Variants in MARVELD2 observed in about 807,000 individuals in gnomAD.
MARVELD2 encodes MARVEL domain-containing protein 2.
In MARVELD2, 49 loss-of-function variants were observed where a neutral mutation model predicts 57.6. The observed-to-expected ratio is 0.85, with a 90% CI of 0.68 to 1.08. The LOEUF is 1.08. Among genes scored for constraint, MARVELD2 ranks in the 50% least tolerant of loss-of-function variants. MARVELD2 has a pLI of 0.00. For synonymous variants in MARVELD2, 238 were observed against 258.8 expected, an observed-to-expected ratio of 0.92 and a Z score of 0.77; for missense variants, 606 against 701.1, an observed-to-expected ratio of 0.86 and a Z score of 1.53.
chr5:69,431,050 C>T (rs1766947442), intron 3 of MARVELD2, among the ~76,000 whole-genome samples: 1 of 151,488 alleles, frequency 6.6e-6, no homozygotes, highest in South Asian at 2.1e-4. Flanking sequence ...CCACCTCAGC[C>T]TCCCAAAGTG....
intron 1 of MARVELD2, among the ~76,000 whole-genome samples, chr5:69,417,068 A>G (rs886095105): frequency 4.6e-5 from 7 of 152,176 alleles, no homozygotes; most frequent in African/African-American, 1.4e-4. Context: ...AGTAGCTTCC[A>G]TGCCTAAATA....
In MARVELD2 at chr5:69,437,683, C is replaced by CA. The variant is rs775967772; in HGVS notation, c.1504-2755dup. Among the ~76,000 whole-genome samples, 520 of 127,582 alleles carry CA rather than the reference C, an allele frequency of 4.1e-3. 1 individual carries two copies. Among genetic ancestry groups the CA allele is most frequent in the African/African-American group, 5.8e-3 (199 of 34,600 alleles). 83.7% of individuals were successfully genotyped at this position (127,582 alleles called of 152,430 possible). A position where few individuals can be genotyped will look rare whatever the true frequency, so the allele number is the denominator to read the frequency against. On this transcript the variant is annotated intron_variant, in intron 5 of 6. Coordinates refer to ENST00000325631, the MANE Select transcript of MARVELD2 (RefSeq NM_001038603.3). ...TGGGTGACAGAGTGAGACTCTGTCT[C>CA]AAAAAAAAAAAACAAAGAAAATCTT...
intron 1 of MARVELD2, 199 bp downstream of exon 1, chr5:69,415,369 C>A (rs892721870): frequency 5.3e-5 from 8 of 152,140 alleles, no homozygotes; most frequent in Non-Finnish European, 5.9e-5. Flanking sequence ...GCCGAGCCGC[C>A]GTCCTTCCGG....
At chr5:69,423,630 C>T (rs931643804) in intron 2 of MARVELD2, among the ~76,000 whole-genome samples, 8 of 152,002 alleles carry the variant, frequency 5.3e-5, no homozygotes, top group Non-Finnish European at 7.4e-5. Flanking sequence ...TGTGATCTCT[C>T]TCTCTATATA....
At chr5:69,416,107 A>T (rs1327826861) in intron 1 of MARVELD2, among the ~76,000 whole-genome samples, 3 of 152,248 alleles carry the variant, frequency 2.0e-5, no homozygotes, top group African/African-American at 7.2e-5. Flanking sequence ...TAAATCCATT[A>T]CAGTGAATCG....
chr5:69,424,233 A>C (rs1157676025), intron 2 of MARVELD2, among the ~76,000 whole-genome samples: 2 of 152,212 alleles, frequency 1.3e-5, no homozygotes, highest in East Asian at 3.8e-4. Flanking sequence ...TAGAAGATGT[A>C]ATGGCCTAGG....
intron 5 of MARVELD2, among the ~76,000 whole-genome samples, 169 bp downstream of exon 5, chr5:69,433,262 A>G (rs1346566501): frequency 1.4e-5 from 2 of 147,410 alleles, no homozygotes; most frequent in African/African-American, 5.0e-5. Flanking sequence ...TCCTGGGTTC[A>G]AGCAATTCTC....
intron 3 of MARVELD2, among the ~76,000 whole-genome samples, chr5:69,425,273 T>C (rs536332017): frequency 1.1e-3 from 167 of 146,390 alleles, no homozygotes; most frequent in Non-Finnish European, 1.8e-3. Flanking sequence ...AGGGATAGCA[T>C]TGGGAGATAT....
At chr5:69,429,415 A>G (rs901185423) in intron 3 of MARVELD2, among the ~76,000 whole-genome samples, 1 of 152,158 alleles carries the variant, frequency 6.6e-6, no homozygotes, top group Non-Finnish European at 1.5e-5. Context: ...TTTTATTTGC[A>G]GTGAAGTAGG....
At chr5:69,430,681 A>G (rs1021400980) in intron 3 of MARVELD2, among the ~76,000 whole-genome samples, 2 of 150,808 alleles carry the variant, frequency 1.3e-5, no homozygotes, top group Non-Finnish European at 3.0e-5. Flanking sequence ...TTACAGGCGC[A>G]CACCACCACA....
chr5:69,416,791 G>C (rs1766443807), intron 1 of MARVELD2, among the ~76,000 whole-genome samples: 1 of 152,150 alleles, frequency 6.6e-6, no homozygotes, highest in Non-Finnish European at 1.5e-5. Context: ...CAAGATCTCA[G>C]TGATCCATTG....
chr5:69,429,108 T>C (rs1441660187), intron 3 of MARVELD2, among the ~76,000 whole-genome samples: 1 of 152,144 alleles, frequency 6.6e-6, no homozygotes, highest in Non-Finnish European at 1.5e-5. Context: ...TTTTTGCAGA[T>C]TGGGAGACCA....
chr5:69,428,522 T>A (rs1266011544), intron 3 of MARVELD2, among the ~76,000 whole-genome samples: 1 of 109,402 alleles, frequency 9.1e-6, no homozygotes, highest in Non-Finnish European at 2.0e-5. Context: ...ATAAATAAAT[T>A]AAGTAATTAA....
At chr5:69,438,940 C>T (rs909506714) in intron 5 of MARVELD2, among the ~76,000 whole-genome samples, 1 of 150,914 alleles carries the variant, frequency 6.6e-6, no homozygotes, top group Non-Finnish European at 1.5e-5. Context: ...GGTGATGTGC[C>T]GTATAATCCC....
At chr5:69,419,157 C>T (rs553452650) in intron 1 of MARVELD2, 2 of 603,980 alleles carry the variant, frequency 3.3e-6, no homozygotes, top group African/African-American at 1.8e-5. Context: ...AACTCCTGAC[C>T]TGAAATGATC....
chr5:69,440,423 C>T (rs1767293584), intron 5 of MARVELD2, 27 bp from the exon 6 acceptor site: 2 of 1,137,018 alleles, frequency 1.8e-6, no homozygotes, highest in Middle Eastern at 2.8e-4. Flanking sequence ...AATGTTTTAA[C>T]TTAAGTATAC....
Position 69,432,665 on chromosome 5 carries a change from G to A in MARVELD2, c.1321G>A (p.Asp441Asn), listed in dbSNP as rs769336794. The A allele has an allele frequency of 7.7e-5, 125 of 1,613,920 alleles. No homozygotes were observed. The highest frequency in any genetic ancestry group is 1.6e-4 in the Middle Eastern group (1 of 6,080). Residue 441 changes from aspartate to asparagine, a missense_variant, in exon 4 of 7, where the codon GAC becomes AAC. Coordinates refer to ENST00000325631, the MANE Select transcript of MARVELD2 (RefSeq NM_001038603.3). ...GHIPKPIVMP[D>N]YVAKYPVIQT... is the part of the protein sequence containing the mutation. The stretch of plus-strand genomic sequence containing the variant: ...CATTCCTAAACCTATCGTGATGCCC[G>A]ACTATGTGGCGTGAGTGTCAGTCTG...
intron 5 of MARVELD2, 135 bp downstream of exon 5, chr5:69,433,228 T>C: frequency 1.1e-6 from 1 of 892,876 alleles, no homozygotes; most frequent in South Asian, 1.6e-5. Context: ...AGTGGCACAA[T>C]CTTGGCTTGC....
Position 69,415,140 on chromosome 5 carries a change from A to G in MARVELD2, c.-46A>G, listed in dbSNP as rs911642290. ...CGATACCGGTTTCAGAGTCCTGGGC[A>G]GCGTGCGCGCTCTTCCTGGCGGCTG... On this transcript the variant is annotated 5_prime_UTR_variant, in exon 1 of 7. Coordinates refer to ENST00000325631, the MANE Select transcript of MARVELD2 (RefSeq NM_001038603.3). 5.3e-5 allele frequency: 8 copies of G among 152,284 alleles called. No homozygotes were observed. Among genetic ancestry groups the G allele is most frequent in the African/African-American group, 1.4e-4 (6 of 41,468 alleles). 9.4% of individuals were successfully genotyped at this position (152,284 alleles called of 1,614,324 possible). A position where few individuals can be genotyped will look rare whatever the true frequency, so the allele number is the denominator to read the frequency against.
Sources: gnomAD v4.1 joint callset for allele counts (sites outside exome capture counted in the v4.1 genomes callset) on GRCh38, gnomAD v4.1.1 for gene constraint, MANE v1.5 for transcripts, NCBI Gene and HGNC (gene_info 2026-07-23, HGNC 2026-07-21) for gene names.